PRP4K: variants seen among roughly 807,000 people sequenced by gnomAD.
PRP4K encodes the protein serine/threonine-protein kinase PRP4 homolog.
the PRP4K span, chr6:4,061,853 T>G: frequency 6.6e-6 from 1 of 152,664 alleles, no homozygotes; most frequent in Non-Finnish European, 1.5e-5. Flanking sequence ...CATGCAGATT[T>G]CTGTATGTTC....
the PRP4K span, among the ~76,000 whole-genome samples, chr6:4,055,449 C>A: frequency 1.3e-5 from 2 of 152,188 alleles, no homozygotes; most frequent in African/African-American, 2.4e-5. Flanking sequence ...AGTCCAGTCT[C>A]CCCATAGAGA....
chr6:4,037,713 T>A, the PRP4K span: 2 of 668,754 alleles, frequency 3.0e-6, no homozygotes, highest in Non-Finnish European at 4.7e-6. Flanking sequence ...ACCAGCAATC[T>A]CTACACATGG....
chr6:4,052,922 C>T, the PRP4K span: 27 of 1,499,356 alleles, frequency 1.8e-5, no homozygotes, highest in East Asian at 4.1e-4. Context: ...ATACATTTCA[C>T]TTCTTACTAG....
At chr6:4,021,569 A>T in the PRP4K span, 1 of 1,495,248 alleles carries the variant, frequency 6.7e-7, no homozygotes, top group Non-Finnish European at 9.1e-7. Context: ...CGAGAGTCAA[A>T]CTTTGCTTTT....
At chr6:4,041,836 G>C in the PRP4K span, among the ~76,000 whole-genome samples, 1 of 152,236 alleles carries the variant, frequency 6.6e-6, no homozygotes, top group Admixed American at 6.5e-5. Context: ...AAAGTTGGAT[G>C]GGAGAAGGGC....
the PRP4K span, chr6:4,063,160 A>T: frequency 6.6e-6 from 1 of 152,058 alleles, no homozygotes; most frequent in Non-Finnish European, 1.5e-5. Flanking sequence ...ACAATCCTTC[A>T]TTTATTTTTT....
the PRP4K span, among the ~76,000 whole-genome samples, chr6:4,037,857 A>ATTT: frequency 7.0e-6 from 1 of 141,890 alleles, no homozygotes; most frequent in East Asian, 2.1e-4. Context: ...AGACTTAGGG[A>ATTT]TTTTTTTTTT....
the PRP4K span, among the ~76,000 whole-genome samples, chr6:4,044,845 G>GTTA: frequency 0.097 from 13,085 of 135,010 alleles, 1,079 homozygotes; most frequent in Admixed American, 0.19. Flanking sequence ...ACAATATATG[G>GTTA]TTATTATTAT....
chr6:4,041,078 G>A, the PRP4K span: 3 of 881,778 alleles, frequency 3.4e-6, no homozygotes, highest in South Asian at 3.7e-5. Context: ...TGAATATTGT[G>A]TAGGTTGTAT....
At chr6:4,036,065 G>T in the PRP4K span, among the ~76,000 whole-genome samples, 1 of 152,150 alleles carries the variant, frequency 6.6e-6, no homozygotes, top group African/African-American at 2.4e-5. Flanking sequence ...GAATAGTTGT[G>T]ACCAAACCTG....
At chr6:4,038,342 A>G in the PRP4K span, among the ~76,000 whole-genome samples, 1 of 151,780 alleles carries the variant, frequency 6.6e-6, no homozygotes, top group South Asian at 2.1e-4. Flanking sequence ...CCCACGCTGG[A>G]GTGCAATGGC....
chr6:4,025,357 A>G, the PRP4K span, among the ~76,000 whole-genome samples: 1 of 152,124 alleles, frequency 6.6e-6, no homozygotes, highest in Non-Finnish European at 1.5e-5. Flanking sequence ...GCACAGGCCC[A>G]TTGTATGTAA....
the PRP4K span, among the ~76,000 whole-genome samples, chr6:4,023,303 T>C: frequency 6.6e-6 from 1 of 152,236 alleles, no homozygotes; most frequent in African/African-American, 2.4e-5. Flanking sequence ...TTAAGCTCCC[T>C]GAAGGCTTTA....
chr6:4,059,130 T>C, the PRP4K span, among the ~76,000 whole-genome samples: 1 of 152,220 alleles, frequency 6.6e-6, no homozygotes, highest in African/African-American at 2.4e-5. Context: ...TGAAAACATA[T>C]CTGGTCATGT....
chr6:4,021,849 G>A, the PRP4K span, among the ~76,000 whole-genome samples: 2 of 152,164 alleles, frequency 1.3e-5, no homozygotes, highest in Non-Finnish European at 2.9e-5. Flanking sequence ...GGGACACGAG[G>A]GTCAGTGGCA....
the PRP4K span, among the ~76,000 whole-genome samples, chr6:4,039,618 G>A: frequency 6.6e-6 from 1 of 152,148 alleles, no homozygotes; most frequent in Non-Finnish European, 1.5e-5. Flanking sequence ...ATCTTGCAGA[G>A]GATAGGGAGT....
the PRP4K span, chr6:4,044,226 A>G: frequency 1.8e-6 from 1 of 564,170 alleles, no homozygotes; most frequent in Non-Finnish European, 3.1e-6. Flanking sequence ...CATATCCTGA[A>G]TAGTATACTG....
At chr6:4,045,787 TTC>T in the PRP4K span, among the ~76,000 whole-genome samples, 13 of 152,216 alleles carry the variant, frequency 8.5e-5, no homozygotes, top group African/African-American at 3.1e-4. Flanking sequence ...ATAGGCACAA[TTC>T]TCTGTCTTTT....
At chr6:4,060,624 G>A in the PRP4K span, 1 of 1,609,620 alleles carries the variant, frequency 6.2e-7, no homozygotes, top group African/African-American at 1.3e-5. The surrounding 1 kb of genome is among the most constrained non-coding windows in gnomAD (Gnocchi z 4.7). Context: ...TAAACAAGAT[G>A]AAGAAACTCC....
Sources: allele counts gnomAD v4.1 joint callset (sites outside exome capture counted in the v4.1 genomes callset), GRCh38; gene constraint gnomAD v4.1.1; non-coding constraint Gnocchi (gnomAD v3.1); transcripts MANE v1.5; gene names NCBI Gene and HGNC (gene_info 2026-07-23, HGNC 2026-07-21).